The following LRCH3 variants were observed in gnomAD, a reference collection of about 807,000 sequenced individuals.
LRCH3 encodes DISP complex protein LRCH3.
In LRCH3, 68 loss-of-function variants were observed where a neutral mutation model predicts 104.5. The ratio of observed to expected loss-of-function variants is 0.65; its 90% confidence interval spans 0.54 to 0.80. The LOEUF (loss-of-function observed/expected upper bound fraction) is 0.80, where lower values mean the gene tolerates loss of function less well. Among genes scored for constraint, LRCH3 ranks in the 30% least tolerant of loss-of-function variants. The probability of loss-of-function intolerance (pLI) is 0.00; values close to 1 mark genes in which losing one functional copy is unlikely to be tolerated. For synonymous variants in LRCH3, 344 were observed against 361.3 expected (o/e 0.95, Z 0.54); for missense variants, 951 against 953.9 (o/e 1.00, Z 0.04).
In LRCH3 at chr3:197,847,334, T is replaced by G. The variant is rs1049447152; in HGVS notation, c.1329-75T>G. 3 of 1,341,480 alleles carry G rather than the reference T, an allele frequency of 2.2e-6. No homozygotes were observed. The East Asian group carries it at 7.1e-5, about 32-fold the overall frequency. 83.1% of individuals were successfully genotyped at this position (1,341,480 alleles called of 1,614,324 possible). A position where few individuals can be genotyped will look rare whatever the true frequency, so the allele number is the denominator to read the frequency against. On this transcript the variant is annotated intron_variant, in intron 10 of 20. Coordinates refer to ENST00000425562, the MANE Select transcript of LRCH3 (RefSeq NM_001365715.1). Reference sequence around the variant, plus strand: ...AGAAAGCTACATTTACAATAAAAATTTCATTTGTTTTTTATGTATCTGTTT... The same window carrying G: ...AGAAAGCTACATTTACAATAAAAATGTCATTTGTTTTTTATGTATCTGTTT...
intron 10 of LRCH3, among the ~76,000 whole-genome samples, chr3:197,841,463 C>T (rs931639801): frequency 2.6e-5 from 4 of 152,120 alleles, no homozygotes; most frequent in South Asian, 2.1e-4. Flanking sequence ...TTTAAGGGCT[C>T]GTGATTATAT....
In LRCH3 at chr3:197,839,309, C is replaced by T. The variant is rs1560566263; in HGVS notation, c.1252-12C>T. The stretch of plus-strand genomic sequence containing the variant: ...ATATACTAAATTTATTTATTTCTGT[C>T]CTCTGGCCTAGGGTTCACCAGTAAA... On this transcript the variant is annotated splice_polypyrimidine_tract_variant and intron_variant, in intron 9 of 20. Coordinates refer to ENST00000425562, the MANE Select transcript of LRCH3 (RefSeq NM_001365715.1). 2 of 1,559,762 alleles carry T rather than the reference C, an allele frequency of 1.3e-6. No homozygotes were observed. Among genetic ancestry groups the T allele is most frequent in the Non-Finnish European group, 1.7e-6 (2 of 1,150,540 alleles).
At chr3:197,835,622 A>G (rs1228181102) in intron 8 of LRCH3, 52 bp from the exon 9 acceptor site, 2 of 1,412,968 alleles carry the variant, frequency 1.4e-6, no homozygotes, top group Non-Finnish European at 1.9e-6. Context: ...TCTAATTTGA[A>G]TGTTTTTTTC....
intron 8 of LRCH3, among the ~76,000 whole-genome samples, chr3:197,834,957 A>G (rs1019748720): frequency 9.2e-5 from 14 of 152,064 alleles, no homozygotes; most frequent in African/African-American, 3.1e-4. Context: ...CAGCCTGGCC[A>G]ACATGGTGAA....
At chr3:197,811,176 C>T (rs896977478) in intron 1 of LRCH3, among the ~76,000 whole-genome samples, 3 of 151,974 alleles carry the variant, frequency 2.0e-5, no homozygotes, top group Admixed American at 6.6e-5. Context: ...GTCTGTGGGA[C>T]GCACCATGAA....
chr3:197,870,901 A>C (rs960304388), intron 18 of LRCH3, among the ~76,000 whole-genome samples: 4 of 152,256 alleles, frequency 2.6e-5, no homozygotes, highest in African/African-American at 9.6e-5. Flanking sequence ...GGCTTATTCT[A>C]TAAAGCTCAA....
At position 197,791,299 on chromosome 3, in the gene LRCH3, C is replaced by A. The variant is rs376921929; in HGVS notation, c.21C>A (p.Val7=). Residue 7 remains valine, a synonymous_variant, in exon 1 of 21, where the codon GTC becomes GTA. Coordinates refer to ENST00000425562, the MANE Select transcript of LRCH3 (RefSeq NM_001365715.1). The part of the protein sequence containing the change: MAAAGL[V]AVAAAAEYSG... ...GGGAAATGGCGGCCGCGGGCTTGGTCGCTGTGGCAGCGGCTGCCGAGTACT... is the reference window on the plus strand; with the variant it reads ...GGGAAATGGCGGCCGCGGGCTTGGTAGCTGTGGCAGCGGCTGCCGAGTACT... 15 of 1,608,820 alleles carry A rather than the reference C, an allele frequency of 9.3e-6. No homozygotes were observed. The highest frequency in any genetic ancestry group is 2.2e-5 in the South Asian group (2 of 90,548).
chr3:197,880,232 A>G lies in LRCH3; in HGVS notation c.2209-3309A>G, dbSNP rs533721955. 5.6e-4 allele frequency among the ~76,000 whole-genome samples: 85 copies of G among 152,070 alleles called. 1 individual carries two copies. The South Asian group carries it at 7.3e-3, about 13-fold the overall frequency. On this transcript the variant is annotated intron_variant, in intron 20 of 20. Transcript: ENST00000425562. ...AGTGCTGGGATTACAGGTGTGAGCC[A>G]CCGCGCCCGGCCTGTGTATTGTATT...
chr3:197,884,370 T>G lies in LRCH3; in HGVS notation c.*704T>G, dbSNP rs2109589186. ...TGGGATTTTGTCATGTTGGCCAGGCTGGTCTCAAACTCCTGACTTCAAGTG... is the reference window on the plus strand; with the variant it reads ...TGGGATTTTGTCATGTTGGCCAGGCGGGTCTCAAACTCCTGACTTCAAGTG... On this transcript the variant is annotated 3_prime_UTR_variant, in exon 21 of 21. Transcript: ENST00000425562. 1 of 152,534 alleles carries G rather than the reference T, an allele frequency of 6.6e-6. No homozygotes were observed. The highest frequency in any genetic ancestry group is 1.9e-4 in the East Asian group (1 of 5,190). 9.4% of individuals were successfully genotyped at this position (152,534 alleles called of 1,614,324 possible).
intron 9 of LRCH3, among the ~76,000 whole-genome samples, chr3:197,837,895 AT>A (rs1200154636): frequency 9.0e-6 from 1 of 111,434 alleles, no homozygotes; most frequent in Non-Finnish European, 2.1e-5. Context: ...AAAAATATAT[AT>A]TAAAAAAAAA....
At position 197,885,698 on chromosome 3, in the gene LRCH3, C is replaced by T. The variant is rs1714146661; in HGVS notation, c.*2032C>T. 6.6e-6 allele frequency: 1 copy of T among 152,252 alleles called. No individual in the cohort carries two copies. Among genetic ancestry groups the T allele is most frequent in the Non-Finnish European group, 1.5e-5 (1 of 68,062 alleles). The allele number at this position is 152,252 out of a possible 1,614,324, so 9.4% of individuals were successfully genotyped here. A position where few individuals can be genotyped will look rare whatever the true frequency, so the allele number is the denominator to read the frequency against. ...TGGAGGAAAAGGGCCCAAGGGCTCA[C>T]ACCGCACAGGAGCCTTTACTCAAGT... is the stretch of plus-strand genomic sequence containing the variant. On this transcript the variant is annotated 3_prime_UTR_variant, in exon 21 of 21. Transcript: ENST00000425562.
chr3:197,852,444 A>G (rs865926802), intron 12 of LRCH3, 117 bp from the exon 13 acceptor site: 10 of 977,006 alleles, frequency 1.0e-5, no homozygotes, highest in South Asian at 9.1e-5. Flanking sequence ...GAAAAATGCT[A>G]TAAACAAGAG....
intron 7 of LRCH3, among the ~76,000 whole-genome samples, 196 bp from the exon 8 acceptor site, chr3:197,832,001 A>T (rs1248434358): frequency 6.6e-6 from 1 of 152,056 alleles, no homozygotes; most frequent in African/African-American, 2.4e-5. Context: ...TGCAGCCTCG[A>T]ACTCCTGGGC....
chr3:197,847,902 A>G lies in LRCH3; in HGVS notation c.1411A>G (p.Arg471Gly). Residue 471 changes from arginine to glycine, a missense_variant, in exon 12 of 21, where the codon AGA becomes GGA. Arg to Gly is a moderately radical substitution (Grantham distance 125). Coordinates refer to ENST00000425562, the MANE Select transcript of LRCH3 (RefSeq NM_001365715.1). Reference sequence around the variant, plus strand: ...ACACACAGACCTGGAACTTCATCAGAGAAGGGAGCAGTTAGTAGAGCGCAC... The same window carrying G: ...ACACACAGACCTGGAACTTCATCAGGGAAGGGAGCAGTTAGTAGAGCGCAC... ...LSHTDLELHQRREQLVERTRR... is the reference protein window; with the variant it reads ...LSHTDLELHQGREQLVERTRR... 6.2e-7 allele frequency: 1 copy of G among 1,614,112 alleles called. No homozygotes were observed. Among genetic ancestry groups the G allele is most frequent in the Non-Finnish European group, 8.5e-7 (1 of 1,180,008 alleles).
rs142412838 is a variant in LRCH3 at position 197,873,190 on chromosome 3, C to T, written c.2130+1728C>T. On this transcript the variant is annotated intron_variant, in intron 19 of 20. Coordinates refer to ENST00000425562, the MANE Select transcript of LRCH3 (RefSeq NM_001365715.1). ...TTTTATCATGAAAAATTTCAACCTTCAGAAAAGTGGAAAGAATCCTACAAC... is the reference window on the plus strand; with the variant it reads ...TTTTATCATGAAAAATTTCAACCTTTAGAAAAGTGGAAAGAATCCTACAAC... 5.0e-3 allele frequency among the ~76,000 whole-genome samples: 769 copies of T among 152,298 alleles called. 8 individuals carry two copies. Among genetic ancestry groups the T allele is most frequent in the Admixed American group, 7.5e-3 (114 of 15,300 alleles).
intron 4 of LRCH3, among the ~76,000 whole-genome samples, chr3:197,824,919 CTG>C (rs1278626568): frequency 1.3e-5 from 2 of 152,240 alleles, no homozygotes; most frequent in African/African-American, 4.8e-5. Context: ...GTCCTAGACT[CTG>C]GATCTTCCTC....
At chr3:197,880,420 G>A (rs1713647356) in intron 20 of LRCH3, 5 of 968,758 alleles carry the variant, frequency 5.2e-6, no homozygotes, top group Middle Eastern at 2.1e-4. Context: ...GAATATGACT[G>A]AGATGATCAT....
chr3:197,854,435 C>T lies in LRCH3; in HGVS notation c.1634C>T (p.Ala545Val). 6.2e-7 allele frequency: 1 copy of T among 1,614,066 alleles called. No individual in the cohort carries two copies. The highest frequency in any genetic ancestry group is 8.5e-7 in the Non-Finnish European group (1 of 1,179,930). Residue 545 changes from alanine to valine, a missense_variant, in exon 14 of 21, where the codon GCC becomes GTC. Ala to Val is a moderately conservative substitution (Grantham distance 64, BLOSUM62 0). Coordinates refer to ENST00000425562, the MANE Select transcript of LRCH3 (RefSeq NM_001365715.1). This position sits in a 1 kb window ranked among gnomAD's most constrained non-coding sequence, Gnocchi z 4.5. ...AGGTCTCAGCACACTGATGATAGTG[C>T]CTTGTGCATGGTAAGAGTTTTGCAC... Reference protein sequence around the residue: ...SRRSQHTDDSALCMSLSGLNQ... With the variant: ...SRRSQHTDDSVLCMSLSGLNQ...
Position 197,886,708 on chromosome 3 carries a change from G to T in LRCH3, c.*3042G>T, listed in dbSNP as rs1330275166. 6.6e-6 allele frequency: 1 copy of T among 151,212 alleles called. No individual in the cohort carries two copies. Among genetic ancestry groups the T allele is most frequent in the African/African-American group, 2.4e-5 (1 of 40,990 alleles). The allele number at this position is 151,212 out of a possible 1,614,324, so 9.4% of individuals were successfully genotyped here. ...TAATCCCAGCTACTTGGGTGGCTGA[G>T]GCACAAGAATCGCTTCAACCTGGAA... On this transcript the variant is annotated 3_prime_UTR_variant, in exon 21 of 21. Transcript: ENST00000425562.
Sources: allele counts gnomAD v4.1 joint callset (sites outside exome capture counted in the v4.1 genomes callset), GRCh38; gene constraint gnomAD v4.1.1; non-coding constraint Gnocchi (gnomAD v3.1); transcripts MANE v1.5; gene names NCBI Gene and HGNC (gene_info 2026-07-23, HGNC 2026-07-21).